MIPEP: variants seen among roughly 807,000 people sequenced by gnomAD.
MIPEP encodes mitochondrial intermediate peptidase.
Under a neutral mutation model 90.3 loss-of-function variants are expected in MIPEP, and 79 were observed. The observed-to-expected ratio is 0.87, with a 90% CI of 0.73 to 1.05. The LOEUF (loss-of-function observed/expected upper bound fraction) is 1.05. MIPEP is among the 50% of genes least tolerant of loss of function. MIPEP has a pLI of 0.00. For missense variants in MIPEP, 940 were observed against 905.6 expected (o/e 1.04, Z -0.49); for synonymous variants, 334 against 315.8 (o/e 1.06, Z -0.61).
chr13:23,781,276 C>A (rs1952779719), intron 16 of MIPEP, among the ~76,000 whole-genome samples: 1 of 152,130 alleles, frequency 6.6e-6, no homozygotes, highest in Non-Finnish European at 1.5e-5. Flanking sequence ...CTCTACAAGC[C>A]AGAAGAGAGT....
chr13:23,849,012 C>T (rs1471639251), intron 10 of MIPEP, among the ~76,000 whole-genome samples: 1 of 152,212 alleles, frequency 6.6e-6, no homozygotes, highest in Non-Finnish European at 1.5e-5. Flanking sequence ...CTGCTGTGCT[C>T]TCAGCTCACG....
intron 2 of MIPEP, among the ~76,000 whole-genome samples, chr13:23,884,702 T>G (rs1032177125): frequency 4.6e-5 from 7 of 152,248 alleles, no homozygotes; most frequent in African/African-American, 1.7e-4. Flanking sequence ...TAGTTAAATT[T>G]CCAAAAACAA....
chr13:23,759,742 T>C (rs933173989), intron 17 of MIPEP, among the ~76,000 whole-genome samples: 7 of 152,142 alleles, frequency 4.6e-5, no homozygotes, highest in Admixed American at 1.3e-4. Flanking sequence ...GGGGTGGGCA[T>C]CCCGTATCAC....
chr13:23,807,402 T>C (rs530143725), intron 15 of MIPEP, among the ~76,000 whole-genome samples: 6 of 152,350 alleles, frequency 3.9e-5, no homozygotes, highest in African/African-American at 1.4e-4. Context: ...AAATGGGATT[T>C]GTAGAGAATG....
chr13:23,755,123 T>G (rs1411346002), intron 18 of MIPEP, among the ~76,000 whole-genome samples: 1 of 151,880 alleles, frequency 6.6e-6, no homozygotes, highest in Non-Finnish European at 1.5e-5. Context: ...TCCCCAGAGG[T>G]GGAAAGTTCA....
In MIPEP at chr13:23,886,413, C is replaced by A; in HGVS notation, c.283G>T (p.Ala95Ser). ...LRKTELLVDRACSTPPGPQTV... is the reference protein window; with the variant it reads ...LRKTELLVDRSCSTPPGPQTV... Reference sequence around the variant, plus strand: ...TGGGGCCCAGGTGGGGTGGAACATGCACGGTCCACAAGCAATTCTGTCTTT... The same window carrying A: ...TGGGGCCCAGGTGGGGTGGAACATGAACGGTCCACAAGCAATTCTGTCTTT... The change falls in exon 2 of 19, where the codon GCA becomes TCA. Residue 95 changes from alanine (A) to serine (S), a missense_variant. Coordinates refer to ENST00000382172, the MANE Select transcript of MIPEP (RefSeq NM_005932.4). 6.2e-7 allele frequency: 1 copy of A among 1,608,786 alleles called. No individual in the cohort carries two copies. Among genetic ancestry groups the A allele is most frequent in the African/African-American group, 1.3e-5 (1 of 74,708 alleles).
At chr13:23,863,863 G>A (rs1181395037) in intron 8 of MIPEP, among the ~76,000 whole-genome samples, 3 of 152,156 alleles carry the variant, frequency 2.0e-5, no homozygotes, top group Non-Finnish European at 4.4e-5. Context: ...AAAATAAATA[G>A]TTTCAAAAAC....
intron 5 of MIPEP, among the ~76,000 whole-genome samples, chr13:23,874,421 G>A (rs1870967872): frequency 1.3e-5 from 2 of 151,764 alleles, no homozygotes; most frequent in Non-Finnish European, 3.0e-5. Context: ...CTCCATCCCA[G>A]TGTAAACACT....
chr13:23,889,377 T>G lies in MIPEP; in HGVS notation c.-57A>C. ...CAGATCCCTGCCCTGCTGCTTTCGC[T>G]GGGAGCGCGCGCTCCGCGTTTCCAA... is the stretch of plus-strand genomic sequence containing the variant. On this transcript the variant is annotated 5_prime_UTR_variant, in exon 1 of 19. Coordinates refer to ENST00000382172, the MANE Select transcript of MIPEP (RefSeq NM_005932.4). 3 of 1,232,564 alleles carry G rather than the reference T, an allele frequency of 2.4e-6. No homozygotes were observed. The highest frequency in any genetic ancestry group is 1.6e-5 in the African/African-American group (1 of 64,378). 76.4% of individuals were successfully genotyped at this position (1,232,564 alleles called of 1,614,324 possible).
chr13:23,811,545 T>A (rs1315657227), intron 14 of MIPEP, among the ~76,000 whole-genome samples: 1 of 152,186 alleles, frequency 6.6e-6, no homozygotes, highest in East Asian at 1.9e-4. Flanking sequence ...AAACAATAGA[T>A]ACACTTAAAC....
intron 13 of MIPEP, among the ~76,000 whole-genome samples, chr13:23,836,878 G>C (rs1359885152): frequency 6.6e-6 from 1 of 152,176 alleles, no homozygotes; most frequent in Admixed American, 6.5e-5. Flanking sequence ...TAACGATTGT[G>C]TTCAGCCCAC....
At position 23,730,280 on chromosome 13, in the gene MIPEP, C is replaced by A; in HGVS notation, c.*68G>T. 3 of 1,006,162 alleles carry A rather than the reference C, an allele frequency of 3.0e-6. No individual in the cohort carries two copies. Among genetic ancestry groups the A allele is most frequent in the Non-Finnish European group, 4.6e-6 (3 of 653,524 alleles). 62.3% of individuals were successfully genotyped at this position (1,006,162 alleles called of 1,614,324 possible). ...CAATGAAATCAGAAACAAGCTCTCACAGCTGTAGCATTTATAACAAAGTCA... is the reference window on the plus strand; with the variant it reads ...CAATGAAATCAGAAACAAGCTCTCAAAGCTGTAGCATTTATAACAAAGTCA... On this transcript the variant is annotated 3_prime_UTR_variant, in exon 19 of 19. Coordinates refer to ENST00000382172, the MANE Select transcript of MIPEP (RefSeq NM_005932.4).
chr13:23,871,642 T>A (rs1219266901), intron 5 of MIPEP, among the ~76,000 whole-genome samples: 2 of 152,182 alleles, frequency 1.3e-5, no homozygotes, highest in African/African-American at 4.8e-5. Flanking sequence ...TTTTTAAAGA[T>A]AAACATAGAT....
chr13:23,794,955 C>T (rs146902892), intron 16 of MIPEP, among the ~76,000 whole-genome samples: 1 of 152,280 alleles, frequency 6.6e-6, no homozygotes, highest in Non-Finnish European at 1.5e-5. Context: ...GTTGTTTATG[C>T]AGGCAAAGAG....
chr13:23,780,024 G>A (rs550884013), intron 16 of MIPEP, among the ~76,000 whole-genome samples: 1 of 152,176 alleles, frequency 6.6e-6, no homozygotes, highest in Non-Finnish European at 1.5e-5. Flanking sequence ...CTCCACCTCT[G>A]GGGGCAGGAC....
intron 5 of MIPEP, among the ~76,000 whole-genome samples, chr13:23,873,962 C>T (rs1365399552): frequency 6.6e-6 from 1 of 152,136 alleles, no homozygotes; most frequent in Non-Finnish European, 1.5e-5. Context: ...TACAGCATTA[C>T]TCAAACTCAG....
chr13:23,870,314 A>G, intron 5 of MIPEP, 119 bp from the exon 6 acceptor site: 1 of 487,788 alleles, frequency 2.1e-6, no homozygotes. Context: ...TCACTTAATA[A>G]AATATTAGTT....
chr13:23,761,418 C>G (rs373447802), intron 16 of MIPEP, among the ~76,000 whole-genome samples: 1 of 152,066 alleles, frequency 6.6e-6, no homozygotes, highest in Non-Finnish European at 1.5e-5. Context: ...CCACTTGGAA[C>G]GCCTGGTCAT....
chr13:23,761,689 C>T (rs538280083), intron 16 of MIPEP, among the ~76,000 whole-genome samples: 2 of 152,360 alleles, frequency 1.3e-5, no homozygotes, highest in African/African-American at 4.8e-5. Flanking sequence ...TGTAACGTCA[C>T]CCCAGCCAAG....
Sources: gnomAD v4.1 joint callset for allele counts (sites outside exome capture counted in the v4.1 genomes callset) on GRCh38, gnomAD v4.1.1 for gene constraint, MANE v1.5 for transcripts, NCBI Gene and HGNC (gene_info 2026-07-23, HGNC 2026-07-21) for gene names.